The following ELL variants were observed in gnomAD, a reference collection of about 807,000 sequenced individuals.
ELL encodes RNA polymerase II elongation factor ELL.
In ELL, 18 loss-of-function variants were observed where a neutral mutation model predicts 64.0. The ratio of observed to expected loss-of-function variants is 0.28; its 90% CI spans 0.19 to 0.42. The LOEUF (loss-of-function observed/expected upper bound fraction) is 0.42, where lower values mean the gene tolerates loss of function less well. Ranked by LOEUF, ELL falls within the 10% of genes least tolerant of loss-of-function variation. ELL has a pLI of 1.00. For synonymous variants in ELL, 399 were observed against 376.2 expected (o/e 1.06, Z -0.70); for missense variants, 797 against 870.4 (o/e 0.92, Z 1.06).
At chr19:18,481,158 C>G (rs1975292033) in intron 1 of ELL, among the ~76,000 whole-genome samples, 1 of 152,206 alleles carries the variant, frequency 6.6e-6, no homozygotes, top group Non-Finnish European at 1.5e-5. Flanking sequence ...TCCCCGCACC[C>G]TCAGCAATCC....
At chr19:18,484,076 G>A (rs1254421393) in intron 1 of ELL, among the ~76,000 whole-genome samples, 1 of 152,232 alleles carries the variant, frequency 6.6e-6, no homozygotes, top group Non-Finnish European at 1.5e-5. Flanking sequence ...GGGCACCTGG[G>A]CCACAGTGTC....
At position 18,444,731 on chromosome 19, in the gene ELL, C is replaced by A. The variant is rs1485423141; in HGVS notation, c.*21G>T. 3.8e-6 allele frequency: 6 copies of A among 1,583,340 alleles called. No homozygotes were observed. Among genetic ancestry groups the A allele is most frequent in the Non-Finnish European group, 5.1e-6 (6 of 1,166,956 alleles). On this transcript the variant is annotated 3_prime_UTR_variant, in exon 12 of 12. Transcript: ENST00000262809. ...TTTTGCTCCCCCGACCCTCCCAGAT[C>A]CCCGCCATCGGGGAGGGCGGCTAGG...
intron 5 of ELL, among the ~76,000 whole-genome samples, chr19:18,461,009 T>C (rs1974799837): frequency 6.6e-6 from 1 of 152,138 alleles, no homozygotes; most frequent in East Asian, 1.9e-4. Flanking sequence ...TCGCACCTGC[T>C]CCAATGCCCG....
In ELL at chr19:18,479,399, C is replaced by T. The variant is rs145095625; in HGVS notation, c.136-6517G>A. 1.9e-3 allele frequency among the ~76,000 whole-genome samples: 284 copies of T among 152,248 alleles called. 1 individual carries two copies. Among genetic ancestry groups the T allele is most frequent in the Middle Eastern group, 3.4e-3 (1 of 294 alleles). On this transcript the variant is annotated intron_variant, in intron 1 of 11. Coordinates refer to ENST00000262809, the MANE Select transcript of ELL (RefSeq NM_006532.4). ...ATATAAAATATAAATGGAAAAGTTACGGGTGAAGAAGAACGTATCTGATTG... is the reference window on the plus strand; with the variant it reads ...ATATAAAATATAAATGGAAAAGTTATGGGTGAAGAAGAACGTATCTGATTG...
At chr19:18,470,915 C>G in intron 2 of ELL, 1 of 454,914 alleles carries the variant, frequency 2.2e-6, no homozygotes, top group Admixed American at 2.4e-5. Context: ...ATCTTTTTAT[C>G]AGCACACACA....
rs536770448 is a variant in ELL at position 18,453,225 on chromosome 19, G to A, written c.870-1577C>T. Among the ~76,000 whole-genome samples, 12 of 152,322 alleles carry A rather than the reference G, an allele frequency of 7.9e-5. No individual in the cohort carries two copies. In the South Asian group the frequency reaches 2.3e-3, roughly 29 times the overall value. On this transcript the variant is annotated intron_variant, in intron 6 of 11. Coordinates refer to ENST00000262809, the MANE Select transcript of ELL (RefSeq NM_006532.4). ...GGAGGCGGAGGTTGCAGTGAGCAGA[G>A]ATCATGCCATTGCACTCCAGTCTGG... is the stretch of plus-strand genomic sequence containing the variant.
chr19:18,446,305 C>A lies in ELL; in HGVS notation c.1704+4G>T. The A allele has an allele frequency of 6.4e-7, 1 of 1,571,934 alleles. No homozygotes were observed. Among genetic ancestry groups the A allele is most frequent in the Non-Finnish European group, 8.6e-7 (1 of 1,162,258 alleles). On this transcript the variant is annotated splice_donor_region_variant and intron_variant, in intron 10 of 11. Transcript: ENST00000262809. ...GGGCACAGTAGGCAGCGGGGGGGCT[C>A]TACCTCATACTCCTCGGAGCCCTGG...
rs561816753 is a variant in ELL at position 18,443,303 on chromosome 19, G to A, written c.*1449C>T. ...GGGGTCCCAAAGGAGAGAGACTCTC[G>A]GGCAGGGGTGGGATACACTGTGGGC... On this transcript the variant is annotated 3_prime_UTR_variant, in exon 12 of 12. Coordinates refer to ENST00000262809, the MANE Select transcript of ELL (RefSeq NM_006532.4). 16 of 233,234 alleles carry A rather than the reference G, an allele frequency of 6.9e-5. No homozygotes were observed. Among genetic ancestry groups the A allele is most frequent in the East Asian group, 2.4e-4 (4 of 16,568 alleles). The allele number at this position is 233,234 out of a possible 1,614,324, so 14.4% of individuals were successfully genotyped here.
At chr19:18,485,132 G>C (rs1278477277) in intron 1 of ELL, among the ~76,000 whole-genome samples, 1 of 152,152 alleles carries the variant, frequency 6.6e-6, no homozygotes, top group Non-Finnish European at 1.5e-5. Flanking sequence ...ATGCAGCTCT[G>C]CCTTGCCACT....
intron 1 of ELL, among the ~76,000 whole-genome samples, chr19:18,488,909 C>G (rs1975471500): frequency 6.6e-6 from 1 of 152,228 alleles, no homozygotes; most frequent in Admixed American, 6.5e-5. Context: ...ACTGACTCTT[C>G]ACAGGCGCAG....
At chr19:18,494,265 G>A (rs1975598337) in intron 1 of ELL, among the ~76,000 whole-genome samples, 1 of 151,804 alleles carries the variant, frequency 6.6e-6, no homozygotes, top group African/African-American at 2.4e-5. Flanking sequence ...AAGGGGAGGG[G>A]AAGGGAAGGG....
intron 2 of ELL, among the ~76,000 whole-genome samples, chr19:18,471,634 C>T (rs1975067032): frequency 6.6e-6 from 1 of 152,246 alleles, no homozygotes; most frequent in African/African-American, 2.4e-5. Flanking sequence ...CACCACTGCA[C>T]TCCAGCCTAG....
chr19:18,513,819 T>C (rs1220057563), intron 1 of ELL, among the ~76,000 whole-genome samples: 1 of 151,792 alleles, frequency 6.6e-6, no homozygotes, highest in African/African-American at 2.4e-5. Flanking sequence ...TAGTCCCAGC[T>C]ACGCAAGAGG....
At chr19:18,483,696 A>T (rs1044411143) in intron 1 of ELL, among the ~76,000 whole-genome samples, 1 of 152,056 alleles carries the variant, frequency 6.6e-6, no homozygotes, top group Non-Finnish European at 1.5e-5. Flanking sequence ...AACTTATCCA[A>T]CCTCACATGA....
rs532748842 is a variant in ELL at position 18,507,849 on chromosome 19, C to G, written c.135+14072G>C. Reference sequence around the variant, plus strand: ...GAATCAGACACAGGTTCTGCGGGCCCCACTACCCATCTGGAGGCAGACGCC... The same window carrying G: ...GAATCAGACACAGGTTCTGCGGGCCGCACTACCCATCTGGAGGCAGACGCC... On this transcript the variant is annotated intron_variant, in intron 1 of 11. Transcript: ENST00000262809. 2.4e-3 allele frequency among the ~76,000 whole-genome samples: 358 copies of G among 152,266 alleles called. 1 individual carries two copies. Among genetic ancestry groups the G allele is most frequent in the African/African-American group, 8.3e-3 (343 of 41,542 alleles).
chr19:18,464,734 G>A (rs562851493), intron 4 of ELL, among the ~76,000 whole-genome samples: 1 of 152,334 alleles, frequency 6.6e-6, no homozygotes, highest in East Asian at 1.9e-4. Context: ...CCCTACTCCT[G>A]CCGTAATGAG....
intron 1 of ELL, among the ~76,000 whole-genome samples, chr19:18,488,336 A>G (rs568549164): frequency 6.6e-6 from 1 of 152,370 alleles, no homozygotes; most frequent in South Asian, 2.1e-4. Context: ...CATAGAACCC[A>G]GAGCACAGCT....
At chr19:18,496,264 C>T (rs550055045) in intron 1 of ELL, among the ~76,000 whole-genome samples, 96 of 152,352 alleles carry the variant, frequency 6.3e-4, no homozygotes, top group African/African-American at 2.0e-3. Flanking sequence ...TGAAAAGAGC[C>T]ACCCGTGAGC....
chr19:18,510,908 G>A (rs1227900324), intron 1 of ELL, among the ~76,000 whole-genome samples: 1 of 152,088 alleles, frequency 6.6e-6, no homozygotes, highest in Admixed American at 6.5e-5. Flanking sequence ...GATAACCTGA[G>A]GTCAGGAGTT....
Sources: gnomAD v4.1 joint callset for allele counts (sites outside exome capture counted in the v4.1 genomes callset) on GRCh38, gnomAD v4.1.1 for gene constraint, MANE v1.5 for transcripts, NCBI Gene and HGNC (gene_info 2026-07-23, HGNC 2026-07-21) for gene names.